Variants in GALM observed in about 807,000 individuals in gnomAD.
GALM encodes the protein aldose 1-epimerase.
GALM carries 43 observed loss-of-function variants against 37.4 expected under a neutral mutation model. The observed-to-expected ratio is 1.15, with a 90% CI of 0.90 to 1.48. The LOEUF (loss-of-function observed/expected upper bound fraction) is 1.48, where lower values mean the gene tolerates loss of function less well. Ranked by LOEUF, GALM falls within the 40% of genes most tolerant of loss-of-function variation. The pLI, the probability that GALM is intolerant of heterozygous loss-of-function variation, is 0.00. For missense variants in GALM, 456 were observed against 419.1 expected (o/e 1.09, Z -0.77); for synonymous variants, 199 against 170.6 (o/e 1.17, Z -1.30).
At chr2:38,706,323 T>C (rs1428686403) in intron 4 of GALM, among the ~76,000 whole-genome samples, 1 of 149,542 alleles carries the variant, frequency 6.7e-6, no homozygotes, top group African/African-American at 2.4e-5. Context: ...CTTTAGATCA[T>C]GGAGGGCTTT....
At chr2:38,677,085 A>C (rs531331119) in intron 2 of GALM, among the ~76,000 whole-genome samples, 5 of 152,340 alleles carry the variant, frequency 3.3e-5, no homozygotes, top group Admixed American at 6.5e-5. Context: ...AGGAAAGCAA[A>C]TTGATCGAAC....
chr2:38,731,674 C>T (rs1263891287), intron 5 of GALM, 61 bp from the exon 6 acceptor site: 1 of 1,334,956 alleles, frequency 7.5e-7, no homozygotes, highest in Non-Finnish European at 1.1e-6. Context: ...CGCTTCCCAG[C>T]TTCTACTCCT....
chr2:38,674,390 G>A (rs560789086), intron 1 of GALM, among the ~76,000 whole-genome samples: 14 of 152,002 alleles, frequency 9.2e-5, no homozygotes, highest in East Asian at 5.8e-4. Flanking sequence ...GGGTTTCACC[G>A]TGTTGGCCAG....
chr2:38,675,493 C>A (rs1284231444), intron 1 of GALM, among the ~76,000 whole-genome samples: 1 of 145,970 alleles, frequency 6.9e-6, no homozygotes, highest in African/African-American at 2.5e-5. Context: ...GGGACAGTGG[C>A]ATGCAACACA....
intron 3 of GALM, among the ~76,000 whole-genome samples, chr2:38,683,460 C>T (rs1355752991): frequency 6.6e-6 from 1 of 152,166 alleles, no homozygotes; most frequent in Non-Finnish European, 1.5e-5. Context: ...ATTTGTTCAG[C>T]ATTCCTAATC....
intron 1 of GALM, among the ~76,000 whole-genome samples, chr2:38,670,539 C>T (rs1219293025): frequency 2.0e-5 from 3 of 152,116 alleles, no homozygotes; most frequent in Non-Finnish European, 4.4e-5. Context: ...CTGTGCGACC[C>T]CGGGCAATTT....
chr2:38,709,826 G>C (rs1178844449), intron 4 of GALM, among the ~76,000 whole-genome samples: 1 of 152,188 alleles, frequency 6.6e-6, no homozygotes, highest in Non-Finnish European at 1.5e-5. Flanking sequence ...AGGCATTCTA[G>C]AGATGATTTA....
chr2:38,726,288 G>A (rs900633671), intron 4 of GALM, among the ~76,000 whole-genome samples: 3 of 149,406 alleles, frequency 2.0e-5, no homozygotes, highest in Admixed American at 6.7e-5. Context: ...GTGCAGTGGC[G>A]GGATCTCGGC....
chr2:38,709,358 G>A (rs1322986490), intron 4 of GALM, among the ~76,000 whole-genome samples: 7 of 152,194 alleles, frequency 4.6e-5, no homozygotes, highest in African/African-American at 9.6e-5. Flanking sequence ...CATCCTGATG[G>A]ATCTAAGATG....
intron 4 of GALM, among the ~76,000 whole-genome samples, chr2:38,692,446 T>C (rs1665699877): frequency 6.6e-6 from 1 of 152,132 alleles, no homozygotes. Context: ...AGACAGGGTC[T>C]CCCTATGTTG....
chr2:38,718,781 C>A (rs769496420), intron 4 of GALM, among the ~76,000 whole-genome samples: 1 of 151,696 alleles, frequency 6.6e-6, no homozygotes, highest in Non-Finnish European at 1.5e-5. Context: ...CAAGAGTCAA[C>A]GACTCTTACA....
intron 4 of GALM, among the ~76,000 whole-genome samples, chr2:38,693,245 G>A (rs1665721458): frequency 6.6e-6 from 1 of 152,182 alleles, no homozygotes; most frequent in Admixed American, 6.5e-5. Context: ...CAATTTGGGA[G>A]GCCGAGGTGG....
chr2:38,699,204 G>T (rs1050558337), intron 4 of GALM, among the ~76,000 whole-genome samples: 16 of 152,130 alleles, frequency 1.1e-4, no homozygotes, highest in African/African-American at 3.9e-4. Context: ...ATGAGCCACC[G>T]TACCTGGCCC....
chr2:38,732,027 G>C, intron 6 of GALM, 118 bp downstream of exon 6: 2 of 953,064 alleles, frequency 2.1e-6, no homozygotes, highest in South Asian at 3.3e-5. Flanking sequence ...TGTTTGTTTG[G>C]TTTGTTTTTT....
intron 3 of GALM, among the ~76,000 whole-genome samples, chr2:38,686,416 CCACCA>C (rs1665537830): frequency 6.6e-6 from 1 of 151,782 alleles, no homozygotes; most frequent in African/African-American, 2.4e-5. Flanking sequence ...CAGGCGCCCA[CCACCA>C]TGCCCAGCTA....
At chr2:38,715,874 G>T (rs187886948) in intron 4 of GALM, among the ~76,000 whole-genome samples, 1 of 152,118 alleles carries the variant, frequency 6.6e-6, no homozygotes, top group Non-Finnish European at 1.5e-5. Flanking sequence ...TTTAGTGTTC[G>T]CAATAATGCT....
intron 3 of GALM, among the ~76,000 whole-genome samples, chr2:38,683,290 G>A (rs1338095850): frequency 1.3e-5 from 2 of 152,116 alleles, no homozygotes; most frequent in Non-Finnish European, 2.9e-5. Flanking sequence ...TTCAGAGGCT[G>A]AATAGTTTCC....
At chr2:38,670,541 G>A (rs1344523812) in intron 1 of GALM, among the ~76,000 whole-genome samples, 1 of 152,078 alleles carries the variant, frequency 6.6e-6, no homozygotes, top group African/African-American at 2.4e-5. Context: ...GTGCGACCCC[G>A]GGCAATTTAC....
chr2:38,715,107 T>C (rs1170443150), intron 4 of GALM, among the ~76,000 whole-genome samples: 2 of 152,240 alleles, frequency 1.3e-5, no homozygotes, highest in East Asian at 3.8e-4. Context: ...TTTATCATTA[T>C]GTAATGAACT....
Sources: allele counts gnomAD v4.1 joint callset (sites outside exome capture counted in the v4.1 genomes callset), GRCh38; gene constraint gnomAD v4.1.1; transcripts MANE v1.5; gene names NCBI Gene and HGNC (gene_info 2026-07-23, HGNC 2026-07-21).